Variants in TP63 observed in about 807,000 individuals in gnomAD.
The protein encoded by TP63 is tumor protein 63.
Under a neutral mutation model 82.8 loss-of-function variants are expected in TP63, and 17 were observed. The ratio of observed to expected loss-of-function variants is 0.21; its 90% confidence interval spans 0.14 to 0.31. The LOEUF (loss-of-function observed/expected upper bound fraction) is 0.31. TP63 is among the 10% of genes least tolerant of loss of function. The pLI is 1.00. For missense variants in TP63, 648 were observed against 895.3 expected (o/e 0.72, Z 3.52); for synonymous variants, 330 against 321.7 (o/e 1.03, Z -0.28).
At chr3:189,675,675 A>G (rs989238986) in intron 1 of TP63, among the ~76,000 whole-genome samples, 3 of 152,098 alleles carry the variant, frequency 2.0e-5, no homozygotes, top group Non-Finnish European at 2.9e-5. Flanking sequence ...GATTGACATG[A>G]ACGAGTACTG....
chr3:189,759,455 C>A (rs1722409844), intron 3 of TP63, among the ~76,000 whole-genome samples: 1 of 152,110 alleles, frequency 6.6e-6, no homozygotes, highest in Non-Finnish European at 1.5e-5. Context: ...ATATGAGTGA[C>A]CATGGCCCTC....
intron 6 of TP63, 82 bp from the exon 7 acceptor site, chr3:189,867,751 C>T (rs567797682): frequency 7.9e-7 from 1 of 1,267,152 alleles, no homozygotes; most frequent in Non-Finnish European, 1.1e-6. Flanking sequence ...AAGTGGAATT[C>T]CTTAAATAGA....
intron 1 of TP63, among the ~76,000 whole-genome samples, chr3:189,728,231 T>C (rs1423153317): frequency 6.6e-6 from 1 of 152,006 alleles, no homozygotes; most frequent in Non-Finnish European, 1.5e-5. Context: ...GTTTTTCCCT[T>C]CTACGGATCT....
intron 1 of TP63, among the ~76,000 whole-genome samples, chr3:189,649,829 A>G (rs1467184435): frequency 6.8e-6 from 1 of 146,776 alleles, no homozygotes; most frequent in Non-Finnish European, 1.5e-5. Flanking sequence ...AGTGAATAAG[A>G]ACAGGGAAAT....
intron 4 of TP63, among the ~76,000 whole-genome samples, chr3:189,837,604 A>G (rs1261949620): frequency 1.3e-5 from 2 of 152,168 alleles, no homozygotes; most frequent in Non-Finnish European, 2.9e-5. Flanking sequence ...CCATGAAAAA[A>G]TGTTTAGCAT....
intron 3 of TP63, among the ~76,000 whole-genome samples, chr3:189,783,294 A>G (rs1365080962): frequency 2.0e-5 from 3 of 151,994 alleles, no homozygotes; most frequent in Non-Finnish European, 4.4e-5. Context: ...TTAACAAAAT[A>G]TATCTTTGGT....
At chr3:189,716,424 A>T (rs71633254) in intron 1 of TP63, among the ~76,000 whole-genome samples, 142,125 of 151,988 alleles carry the variant, frequency 0.94, 66,708 homozygotes, top group Non-Finnish European at 0.98. Flanking sequence ...GCTGAATTTA[A>T]TTTTAAAAAG....
chr3:189,629,095 T>C (rs916686565), upstream of TP63, among the ~76,000 whole-genome samples: 4 of 152,116 alleles, frequency 2.6e-5, no homozygotes, highest in African/African-American at 9.7e-5. Context: ...TTTAAAAAAA[T>C]AGATGAGTGT....
chr3:189,608,856 A>G, the TP63 span, among the ~76,000 whole-genome samples: 1 of 152,136 alleles, frequency 6.6e-6, no homozygotes, highest in East Asian at 1.9e-4. Flanking sequence ...AATCAAGAGT[A>G]CATTTTAAAA....
chr3:189,763,328 A>C (rs1368460051), intron 3 of TP63, among the ~76,000 whole-genome samples: 2 of 152,212 alleles, frequency 1.3e-5, no homozygotes, highest in Non-Finnish European at 2.9e-5. Context: ...CTTTAGAGAC[A>C]GTATTTTATA....
intron 3 of TP63, among the ~76,000 whole-genome samples, chr3:189,797,363 CCT>C (rs1725819092): frequency 6.6e-6 from 1 of 152,056 alleles, no homozygotes; most frequent in Non-Finnish European, 1.5e-5. Context: ...AGTGAGCTTG[CCT>C]TGGAAGGAAC....
intron 1 of TP63, among the ~76,000 whole-genome samples, chr3:189,643,294 C>G (rs926215948): frequency 2.0e-5 from 3 of 152,138 alleles, no homozygotes; most frequent in East Asian, 1.9e-4. Flanking sequence ...AGCCACTGCA[C>G]CCGGCCCCAG....
intron 3 of TP63, among the ~76,000 whole-genome samples, chr3:189,760,277 C>G (rs1326714727): frequency 6.6e-6 from 1 of 152,214 alleles, no homozygotes; most frequent in Non-Finnish European, 1.5e-5. Context: ...AAAGTTTCTT[C>G]TGAGACAAGG....
At chr3:189,877,331 G>A (rs550216384) in intron 10 of TP63, among the ~76,000 whole-genome samples, 47 of 152,272 alleles carry the variant, frequency 3.1e-4, no homozygotes, top group East Asian at 2.7e-3. Context: ...GGACATCAAC[G>A]CTTAAGACAG....
At position 189,896,969 on chromosome 3, in the gene TP63, C is replaced by A. The variant is rs1028633271; in HGVS notation, c.*2467C>A. ...TGGAAAGCAGAGTTTTCATTAAATC[C>A]TTTTACCTTTTTTTTTTCTTGGTAA... On this transcript the variant is annotated 3_prime_UTR_variant, in exon 14 of 14. Transcript: ENST00000264731. The A allele has an allele frequency of 1.3e-5, 3 of 227,010 alleles. No individual in the cohort carries two copies. The highest frequency in any genetic ancestry group is 5.7e-5 in the Admixed American group (1 of 17,530). 14.1% of individuals were successfully genotyped at this position (227,010 alleles called of 1,614,324 possible).
At chr3:189,829,880 C>T (rs1272294262) in intron 4 of TP63, 1 of 382,850 alleles carries the variant, frequency 2.6e-6, no homozygotes, top group South Asian at 1.9e-5. Context: ...TAATTTTTTT[C>T]AACCAAGATA....
rs961302155 is a variant in TP63 at position 189,726,063 on chromosome 3, C to CG, written c.63-11670dup. ...GAGCGAGAGTTTATTTTGGGTGGGG[C>CG]GGGGGGGAATATTTTGTCATCATTG... On this transcript the variant is annotated intron_variant, in intron 1 of 13. Coordinates refer to ENST00000264731, the MANE Select transcript of TP63 (RefSeq NM_003722.5). 2.2e-4 allele frequency among the ~76,000 whole-genome samples: 14 copies of CG among 63,982 alleles called. No individual in the cohort carries two copies. In the East Asian group the frequency reaches 4.1e-3, roughly 19 times the overall value. 42.0% of individuals were successfully genotyped at this position (63,982 alleles called of 152,430 possible).
At chr3:189,783,420 A>G (rs1186632358) in intron 3 of TP63, among the ~76,000 whole-genome samples, 1 of 152,014 alleles carries the variant, frequency 6.6e-6, no homozygotes, top group Non-Finnish European at 1.5e-5. Flanking sequence ...AAATGACTGC[A>G]ATTTATTCCA....
At chr3:189,675,677 C>T (rs78000493) in intron 1 of TP63, among the ~76,000 whole-genome samples, 2,264 of 152,164 alleles carry the variant, frequency 0.015, 72 homozygotes, top group African/African-American at 0.051. Context: ...TTGACATGAA[C>T]GAGTACTGTG....
Sources: gnomAD v4.1 joint callset for allele counts (sites outside exome capture counted in the v4.1 genomes callset) on GRCh38, gnomAD v4.1.1 for gene constraint, MANE v1.5 for transcripts, NCBI Gene and HGNC (gene_info 2026-07-23, HGNC 2026-07-21) for gene names.